UNC5C: variants seen among roughly 807,000 people sequenced by gnomAD.
UNC5C encodes the protein unc-5 netrin receptor C.
In UNC5C, 47 loss-of-function variants were observed where a neutral mutation model predicts 99.8. The observed-to-expected ratio is 0.47, with a 90% confidence interval of 0.37 to 0.60. UNC5C has a LOEUF of 0.60. Ranked by LOEUF, UNC5C falls within the 20% of genes least tolerant of loss-of-function variation. The pLI is 0.00. For missense variants in UNC5C, 1,062 were observed against 1,165.9 expected (o/e 0.91, Z 1.30); for synonymous variants, 487 against 452.2 (o/e 1.08, Z -0.98).
At chr4:95,429,577 C>T (rs1578158834) in intron 1 of UNC5C, among the ~76,000 whole-genome samples, 1 of 152,028 alleles carries the variant, frequency 6.6e-6, no homozygotes. Context: ...ATTATTCTTC[C>T]TGGCAGGCTG....
At chr4:95,362,027 G>T (rs554023399) in intron 1 of UNC5C, among the ~76,000 whole-genome samples, 1 of 151,738 alleles carries the variant, frequency 6.6e-6, no homozygotes, top group African/African-American at 2.4e-5. Context: ...AACAATTAAT[G>T]AAAGATAAGG....
chr4:95,452,342 G>T (rs1343294742), intron 1 of UNC5C, among the ~76,000 whole-genome samples: 1 of 151,812 alleles, frequency 6.6e-6, no homozygotes, highest in Non-Finnish European at 1.5e-5. Flanking sequence ...AATATTAAGA[G>T]CCAATTTTCA....
intron 1 of UNC5C, among the ~76,000 whole-genome samples, chr4:95,389,500 C>A (rs1745297906): frequency 6.6e-6 from 1 of 152,010 alleles, no homozygotes; most frequent in Admixed American, 6.6e-5. Flanking sequence ...TAGCCACTAG[C>A]TATATGTGGC....
At chr4:95,394,675 G>GTGTGTGTGTGTGTGTGTGTGTGTGTGTGT (rs758140885) in intron 1 of UNC5C, among the ~76,000 whole-genome samples, 2 of 151,736 alleles carry the variant, frequency 1.3e-5, no homozygotes, top group African/African-American at 4.8e-5. Context: ...GTGTGTGTGT[G>GTGTGTGTGTGTGTGTGTGTGTGTGTGTGT]CTTTTCTCAT....
At chr4:95,325,066 G>A (rs941713485) in intron 2 of UNC5C, among the ~76,000 whole-genome samples, 1 of 152,156 alleles carries the variant, frequency 6.6e-6, no homozygotes, top group African/African-American at 2.4e-5. Context: ...GTGGTTTGTT[G>A]AAGACAGTTT....
chr4:95,382,606 C>T (rs555857390), intron 1 of UNC5C, among the ~76,000 whole-genome samples: 4 of 152,160 alleles, frequency 2.6e-5, no homozygotes, highest in Admixed American at 6.6e-5. Flanking sequence ...AAAACTGGCA[C>T]TCAAAAGGAA....
chr4:95,235,493 T>C (rs1006283870), intron 7 of UNC5C, among the ~76,000 whole-genome samples: 3 of 152,160 alleles, frequency 2.0e-5, no homozygotes, highest in Admixed American at 6.5e-5. Context: ...TTTAATTAGA[T>C]CCCATTTGTC....
chr4:95,484,120 G>T (rs538538948), intron 1 of UNC5C, among the ~76,000 whole-genome samples: 4 of 151,728 alleles, frequency 2.6e-5, no homozygotes, highest in Non-Finnish European at 5.9e-5. Flanking sequence ...AAATAAAATG[G>T]GTAATGAGGA....
At position 95,250,372 on chromosome 4, in the gene UNC5C, A is replaced by C. The variant is rs1739652538; in HGVS notation, c.775+115T>G. The C allele has an allele frequency of 2.6e-6, 3 of 1,142,528 alleles. No homozygotes were observed. The Admixed American group carries it at 7.6e-5, about 29-fold the overall frequency. 70.8% of individuals were successfully genotyped at this position (1,142,528 alleles called of 1,614,324 possible). A position where few individuals can be genotyped will look rare whatever the true frequency, so the allele number is the denominator to read the frequency against. On this transcript the variant is annotated intron_variant, in intron 5 of 15. Coordinates refer to ENST00000453304, the MANE Select transcript of UNC5C (RefSeq NM_003728.4). ...TGCACGCCAGCCTGGGTGACAGAGC[A>C]AGACCCTGTCTCAAATAATATGAAA...
chr4:95,302,117 G>A (rs1477438763), intron 2 of UNC5C, among the ~76,000 whole-genome samples: 1 of 152,040 alleles, frequency 6.6e-6, no homozygotes, highest in African/African-American at 2.4e-5. Flanking sequence ...ATAGTTGTGG[G>A]TAAAATAAAC....
chr4:95,222,330 T>A, intron 7 of UNC5C: 19 of 711,120 alleles, frequency 2.7e-5, no homozygotes, highest in Non-Finnish European at 3.4e-5. Context: ...GGAAAGAAAA[T>A]AGGAAGCATG....
intron 1 of UNC5C, among the ~76,000 whole-genome samples, chr4:95,340,597 C>T (rs12651101): frequency 0.033 from 4,981 of 152,170 alleles, 226 homozygotes; most frequent in African/African-American, 0.11. Context: ...AAGTCGTTGA[C>T]TACATAATGC....
chr4:95,380,551 C>T (rs1745040700), intron 1 of UNC5C, among the ~76,000 whole-genome samples: 1 of 151,304 alleles, frequency 6.6e-6, no homozygotes, highest in South Asian at 2.1e-4. Context: ...CACCAGATTA[C>T]AGGCATAAGC....
Position 95,354,569 on chromosome 4 carries a change from G to A in UNC5C, c.125-18938C>T, listed in dbSNP as rs540685996. ...ATAATGGCTCACTGTAACCTCAAATGTCTGGGCTCAAGCCATCCTCCCACC... is the reference window on the plus strand; with the variant it reads ...ATAATGGCTCACTGTAACCTCAAATATCTGGGCTCAAGCCATCCTCCCACC... On this transcript the variant is annotated intron_variant, in intron 1 of 15. Coordinates refer to ENST00000453304, the MANE Select transcript of UNC5C (RefSeq NM_003728.4). 6.0e-5 allele frequency among the ~76,000 whole-genome samples: 9 copies of A among 148,878 alleles called. No individual in the cohort carries two copies. The South Asian group carries it at 1.1e-3, about 18-fold the overall frequency.
chr4:95,177,570 A>G (rs927441726), intron 14 of UNC5C, among the ~76,000 whole-genome samples: 3 of 152,210 alleles, frequency 2.0e-5, no homozygotes, highest in Admixed American at 6.5e-5. Context: ...GGCTTATGCA[A>G]TCCCATGGAA....
At chr4:95,444,633 C>T (rs1747044626) in intron 1 of UNC5C, among the ~76,000 whole-genome samples, 1 of 152,112 alleles carries the variant, frequency 6.6e-6, no homozygotes, top group Admixed American at 6.5e-5. Flanking sequence ...GCCGGGCCTG[C>T]ATTGCCTTTT....
chr4:95,418,973 T>A (rs778043477), intron 1 of UNC5C, among the ~76,000 whole-genome samples: 8 of 152,222 alleles, frequency 5.3e-5, no homozygotes, highest in Non-Finnish European at 1.0e-4. Context: ...GCCTTTAGTC[T>A]GATTCTGGAA....
chr4:95,492,381 G>T (rs1184935601), intron 1 of UNC5C, among the ~76,000 whole-genome samples: 3 of 151,100 alleles, frequency 2.0e-5, no homozygotes, highest in Non-Finnish European at 4.4e-5. Flanking sequence ...ATATGTTTCT[G>T]CTTCCTGTTA....
intron 1 of UNC5C, among the ~76,000 whole-genome samples, chr4:95,529,959 T>A (rs1722600461): frequency 6.6e-6 from 1 of 152,196 alleles, no homozygotes; most frequent in African/African-American, 2.4e-5. Flanking sequence ...AATTCTTGAA[T>A]CTGTCTTCCA....
Sources: gnomAD v4.1 joint callset for allele counts (sites outside exome capture counted in the v4.1 genomes callset) on GRCh38, gnomAD v4.1.1 for gene constraint, MANE v1.5 for transcripts, NCBI Gene and HGNC (gene_info 2026-07-23, HGNC 2026-07-21) for gene names.